Variants in DDOST observed in about 807,000 individuals in gnomAD.
DDOST encodes dolichyl-diphosphooligosaccharide--protein glycosyltransferase 48 kDa subunit.
In DDOST, 25 loss-of-function variants were observed where a neutral mutation model predicts 47.6. The ratio of observed to expected loss-of-function variants is 0.53; its 90% CI spans 0.38 to 0.73. DDOST has a LOEUF of 0.73. DDOST is among the 30% of genes least tolerant of loss of function. The pLI, the probability that DDOST is intolerant of heterozygous loss-of-function variation, is 0.00. For missense variants in DDOST, 526 were observed against 573.9 expected (o/e 0.92, Z 0.85); for synonymous variants, 275 against 236.0 (o/e 1.17, Z -1.51).
chr1:20,657,484 AG>A (rs2053387970), intron 2 of DDOST, among the ~76,000 whole-genome samples: 1 of 152,146 alleles, frequency 6.6e-6, no homozygotes, highest in African/African-American at 2.4e-5. Context: ...GCAGCAACAG[AG>A]GGAGGCGCGG....
At position 20,652,643 on chromosome 1, in the gene DDOST, G is replaced by A. The variant is rs145940009; in HGVS notation, c.1148C>T (p.Thr383Ile). The change falls in exon 10 of 11, where the codon ACA becomes ATA. Residue 383 changes from threonine to isoleucine, a missense_variant. Physicochemically the swap from Thr to Ile is moderately conservative, Grantham distance 89. Coordinates refer to ENST00000602624, the MANE Select transcript of DDOST (RefSeq NM_005216.5). ...TACCTGAGTGGAAGAGTACAGGTGT[G>A]TGTAGCCTAGCCGGTTGTAATCCAC... ...FKVDYNRLGYTHLYSSTQVSV... is the reference protein window; with the variant it reads ...FKVDYNRLGYIHLYSSTQVSV... The A allele has an allele frequency of 2.3e-3, 3,648 of 1,614,224 alleles. 8 individuals are homozygous for A. Among genetic ancestry groups the A allele is most frequent in the Non-Finnish European group, 2.8e-3 (3,357 of 1,180,016 alleles).
chr1:20,653,683 G>A lies in DDOST; in HGVS notation c.886C>T (p.His296Tyr). 2 of 1,613,952 alleles carry A rather than the reference G, an allele frequency of 1.2e-6. No homozygotes were observed. The highest frequency in any genetic ancestry group is 1.7e-6 in the Non-Finnish European group (2 of 1,179,870). Residue 296 changes from histidine (H) to tyrosine (Y), a missense_variant, in exon 8 of 11, where the codon CAT becomes TAT. Physicochemically the swap from His to Tyr is moderately conservative, Grantham distance 83. Transcript: ENST00000602624. ...GGGGCTGTCTCGCCCACCCGATGAT[G>A]GGACACAGGCCCCACACGGAGGACA... ...EGVLRVGPVS[H>Y]HRVGETAPPN...
chr1:20,656,372 A>G (rs1464478496), intron 2 of DDOST, among the ~76,000 whole-genome samples, 185 bp from the exon 3 acceptor site: 1 of 152,258 alleles, frequency 6.6e-6, no homozygotes, highest in East Asian at 1.9e-4. Flanking sequence ...CCATCCTCGC[A>G]GCGTGAAGAC....
Position 20,651,820 on chromosome 1 carries a change from T to TATTTATTTA in DDOST, c.*550_*558dup, listed in dbSNP as rs1553147214. ...CTTTATTTTTATTTATTTATTTATT[T>TATTTATTTA]ATTTATTTATTTATTTATATTTGAG... On this transcript the variant is annotated 3_prime_UTR_variant, in exon 11 of 11. Transcript: ENST00000602624. 18 of 151,488 alleles carry TATTTATTTA rather than the reference T, an allele frequency of 1.2e-4. No homozygotes were observed. The highest frequency in any genetic ancestry group is 1.5e-4 in the Non-Finnish European group (10 of 67,916). 9.4% of individuals were successfully genotyped at this position (151,488 alleles called of 1,614,324 possible). A position where few individuals can be genotyped will look rare whatever the true frequency, so the allele number is the denominator to read the frequency against.
chr1:20,655,172 T>A (rs1253380), intron 5 of DDOST, among the ~76,000 whole-genome samples: 1 of 11,894 alleles, frequency 8.4e-5, no homozygotes, highest in Non-Finnish European at 3.1e-4. Context: ...CTTTTTTTTG[T>A]TTTTTTTTTT....
chr1:20,652,126 C>T lies in DDOST; in HGVS notation c.*253G>A, dbSNP rs761988530. 1.2e-5 allele frequency: 4 copies of T among 339,480 alleles called. No homozygotes were observed. Among genetic ancestry groups the T allele is most frequent in the East Asian group, 1.2e-4 (2 of 16,550 alleles). The allele number at this position is 339,480 out of a possible 1,614,324, so 21.0% of individuals were successfully genotyped here. On this transcript the variant is annotated 3_prime_UTR_variant, in exon 11 of 11. Coordinates refer to ENST00000602624, the MANE Select transcript of DDOST (RefSeq NM_005216.5). ...AGGCATGAGCCACCGTGCCTGGCCA[C>T]GTCCCTATTTTAGAAATGAGAGGAG...
rs1429190843 is a variant in DDOST at position 20,655,534 on chromosome 1, G to T, written c.457C>A (p.His153Asn). Residue 153 changes from histidine (H) to asparagine (N), a missense_variant and splice_region_variant, in exon 5 of 11, where the codon CAT (histidine) becomes AAT (asparagine). His to Asn is a moderately conservative substitution (Grantham distance 68, BLOSUM62 1). Transcript: ENST00000602624. Reference sequence around the variant, plus strand: ...TCAGTGTCAGCCACGATGAGCGTATGCTGCAAAGAGTAGATGGAAAGGTGG... The same window carrying T: ...TCAGTGTCAGCCACGATGAGCGTATTCTGCAAAGAGTAGATGGAAAGGTGG... The part of the protein sequence containing the change: ...HNYDISDLGQ[H>N]TLIVADTENL... The T allele has an allele frequency of 6.2e-7, 1 of 1,613,710 alleles. No homozygotes were observed. The highest frequency in any genetic ancestry group is 1.1e-5 in the South Asian group (1 of 91,068).
intron 5 of DDOST, among the ~76,000 whole-genome samples, chr1:20,655,049 G>T (rs918537017): frequency 6.6e-6 from 1 of 152,042 alleles, no homozygotes. Flanking sequence ...TAGCAGAGAC[G>T]GGGTTTCACC....
chr1:20,655,866 G>A (rs899149730), intron 3 of DDOST, 87 bp from the exon 4 acceptor site: 1 of 1,082,118 alleles, frequency 9.2e-7, no homozygotes, highest in Non-Finnish European at 1.4e-6. Context: ...CTCCCTCTCT[G>A]TCAGCCCCAG....
intron 2 of DDOST, among the ~76,000 whole-genome samples, chr1:20,658,975 C>T (rs1475778457): frequency 1.3e-5 from 2 of 151,636 alleles, no homozygotes; most frequent in African/African-American, 4.8e-5. Context: ...CCCACCTCAG[C>T]TTCCCCAGTA....
Position 20,652,138 on chromosome 1 carries a change from A to G in DDOST, c.*241T>C, listed in dbSNP as rs2053297755. On this transcript the variant is annotated 3_prime_UTR_variant, in exon 11 of 11. Transcript: ENST00000602624. Reference sequence around the variant, plus strand: ...CCGTGCCTGGCCACGTCCCTATTTTAGAAATGAGAGGAGTGACTGCACATA... The same window carrying G: ...CCGTGCCTGGCCACGTCCCTATTTTGGAAATGAGAGGAGTGACTGCACATA... 3 of 374,554 alleles carry G rather than the reference A, an allele frequency of 8.0e-6. No individual in the cohort carries two copies. Among genetic ancestry groups the G allele is most frequent in the Non-Finnish European group, 1.4e-5 (3 of 208,998 alleles). 23.2% of individuals were successfully genotyped at this position (374,554 alleles called of 1,614,324 possible).
intron 2 of DDOST, among the ~76,000 whole-genome samples, chr1:20,657,491 C>T (rs907106847): frequency 1.3e-5 from 2 of 152,112 alleles, no homozygotes; most frequent in Non-Finnish European, 2.9e-5. Flanking sequence ...CAGAGGGAGG[C>T]GCGGCAGGCC....
At position 20,655,165 on chromosome 1, in the gene DDOST, TTTTTTG is replaced by T. The variant is rs374426404; in HGVS notation, c.551+269_551+274del. Among the ~76,000 whole-genome samples, 11,104 of 68,694 alleles carry T rather than the reference TTTTTTG, an allele frequency of 0.16. 450 individuals are homozygous for T. Among genetic ancestry groups the T allele is most frequent in the African/African-American group, 0.23 (3,929 of 17,138 alleles). 45.1% of individuals were successfully genotyped at this position (68,694 alleles called of 152,430 possible). On this transcript the variant is annotated intron_variant, in intron 5 of 10. Coordinates refer to ENST00000602624, the MANE Select transcript of DDOST (RefSeq NM_005216.5). ...GTGAGCCACTGCGCTCGGCCAACTT[TTTTTTG>T]TTTTTTTTTTTTTTTTTTTTTTTTA...
intron 2 of DDOST, among the ~76,000 whole-genome samples, chr1:20,658,879 A>T: frequency 7.2e-6 from 1 of 138,452 alleles, no homozygotes; most frequent in African/African-American, 2.8e-5. Flanking sequence ...TTTTTGAGAC[A>T]GGGTCTTGCT....
chr1:20,652,568 A>C (rs758721537), intron 10 of DDOST, 40 bp from the exon 11 acceptor site: 2 of 1,613,938 alleles, frequency 1.2e-6, no homozygotes, highest in South Asian at 2.2e-5. Flanking sequence ...GCCACTGCAG[A>C]GCCCAGGCAG....
At position 20,652,496 on chromosome 1, in the gene DDOST, A is replaced by G; in HGVS notation, c.1203T>C (p.Tyr401=). The G allele has an allele frequency of 6.2e-7, 1 of 1,614,004 alleles. No homozygotes were observed. Among genetic ancestry groups the G allele is most frequent in the Non-Finnish European group, 8.5e-7 (1 of 1,179,984 alleles). ...GGTAGGCCGAGGGGATGAAGCGCTC[A>G]TACTGCGTGTGCTGGAGTGGCCGCA... ...VSVRPLQHTQ[Y]ERFIPSAYPY... The change falls in exon 11 of 11, where the codon TAT becomes TAC. Residue 401 remains tyrosine, a synonymous_variant. Coordinates refer to ENST00000602624, the MANE Select transcript of DDOST (RefSeq NM_005216.5).
rs1487451151 is a variant in DDOST, at chr1:20,661,254, G to A, written c.97C>T (p.Leu33=). 6.2e-7 allele frequency: 1 copy of A among 1,614,062 alleles called. No homozygotes were observed. The stretch of plus-strand genomic sequence containing the variant: ...TCCCGCACGTTGAGGTTGTCCAGCA[G>A]CACTAAGGTGCGGGGTCCGCTGGCG... The part of the protein sequence containing the change: ...VCASGPRTLV[L]LDNLNVRETH... The change falls in exon 1 of 11, where the codon CTG becomes TTG. Residue 33 remains leucine (L), a synonymous_variant. Coordinates refer to ENST00000602624, the MANE Select transcript of DDOST (RefSeq NM_005216.5).
chr1:20,659,385 C>A (rs2053412087), intron 2 of DDOST, among the ~76,000 whole-genome samples: 2 of 152,140 alleles, frequency 1.3e-5, no homozygotes, highest in South Asian at 4.1e-4. Context: ...CCTATACAAG[C>A]TGACAGTGCC....
At chr1:20,660,754 C>G in intron 2 of DDOST, 127 bp downstream of exon 2, 1 of 627,928 alleles carries the variant, frequency 1.6e-6, no homozygotes, top group Non-Finnish European at 2.9e-6. Flanking sequence ...TCCTTATCTC[C>G]GTGGTAGCAC....
Sources: allele counts gnomAD v4.1 joint callset (sites outside exome capture counted in the v4.1 genomes callset), GRCh38; gene constraint gnomAD v4.1.1; transcripts MANE v1.5; gene names NCBI Gene and HGNC (gene_info 2026-07-23, HGNC 2026-07-21).